PCDHGA5: variants seen among roughly 807,000 people sequenced by gnomAD.
The protein encoded by PCDHGA5 is protocadherin gamma-A5.
In PCDHGA5, 36 loss-of-function variants were observed where a neutral mutation model predicts 56.7. The observed-to-expected ratio is 0.64, with a 90% CI of 0.49 to 0.84. The LOEUF is 0.84. PCDHGA5 is among the 40% of genes least tolerant of loss of function. PCDHGA5 has a pLI of 0.00. For missense variants in PCDHGA5, 1,305 were observed against 1,201.5 expected (o/e 1.09, Z -1.27); for synonymous variants, 563 against 520.2 (o/e 1.08, Z -1.12).
At chr5:141,441,791 C>T in intron 1 of PCDHGA5, 1 of 390,714 alleles carries the variant, frequency 2.6e-6, no homozygotes, top group Non-Finnish European at 5.1e-6. Flanking sequence ...TGAATGACAA[C>T]GCACCGCGGG....
chr5:141,423,317 C>T, intron 1 of PCDHGA5: 4 of 1,614,118 alleles, frequency 2.5e-6, no homozygotes, highest in Non-Finnish European at 3.4e-6. Flanking sequence ...TTGGTGGTGG[C>T]GGTGGCCGCA....
chr5:141,403,201 C>T (rs1486888915), intron 1 of PCDHGA5: 2 of 1,614,002 alleles, frequency 1.2e-6, no homozygotes, highest in South Asian at 1.1e-5. Context: ...GCAGCGGCAC[C>T]TTGGTCACCG....
chr5:141,442,343 G>A (rs1300318674), intron 1 of PCDHGA5: 1 of 152,336 alleles, frequency 6.6e-6, no homozygotes, highest in African/African-American at 2.4e-5. Context: ...CAGGTTTCTG[G>A]GTAACTGTAG....
chr5:141,501,439 C>G (rs1245306644), intron 2 of PCDHGA5, among the ~76,000 whole-genome samples: 1 of 151,978 alleles, frequency 6.6e-6, no homozygotes, highest in Non-Finnish European at 1.5e-5. Context: ...TCCATTTCTT[C>G]CATTTTTACT....
Position 141,485,666 on chromosome 5 carries a change from A to C in PCDHGA5, c.2422-9141A>C. 1.2e-6 allele frequency: 2 copies of C among 1,612,786 alleles called. No homozygotes were observed. Among genetic ancestry groups the C allele is most frequent in the Non-Finnish European group, 1.7e-6 (2 of 1,178,960 alleles). ...GGCTCAGGATGCAGATGTGGGGAGCAATTCGATTAGCAGCTATAGGCTGAG... is the reference window on the plus strand; with the variant it reads ...GGCTCAGGATGCAGATGTGGGGAGCCATTCGATTAGCAGCTATAGGCTGAG... On this transcript the variant is annotated intron_variant, in intron 1 of 3. Transcript: ENST00000518069. This position sits in a 1 kb window ranked among gnomAD's most constrained non-coding sequence, Gnocchi z 5.7.
In PCDHGA5 at chr5:141,421,516, T is replaced by G. The variant is rs199973694; in HGVS notation, c.2421+54765T>G. On this transcript the variant is annotated intron_variant, in intron 1 of 3. Transcript: ENST00000518069. Reference sequence around the variant, plus strand: ...AGGCAGGATAGACCGGGAGGAGCTCTGTGAGACGGTGTCCTCCTGTTTTTT... The same window carrying G: ...AGGCAGGATAGACCGGGAGGAGCTCGGTGAGACGGTGTCCTCCTGTTTTTT... 1.4e-5 allele frequency: 22 copies of G among 1,614,064 alleles called. No homozygotes were observed. The East Asian group carries it at 4.9e-4, about 36-fold the overall frequency.
intron 1 of PCDHGA5, chr5:141,378,642 C>T (rs780445527): frequency 5.9e-5 from 9 of 152,098 alleles, no homozygotes; most frequent in Non-Finnish European, 1.3e-4. Context: ...AATGGGAGAA[C>T]AAATGTTAAT....
At position 141,486,882 on chromosome 5, in the gene PCDHGA5, C is replaced by T; in HGVS notation, c.2422-7925C>T. The T allele has an allele frequency of 6.2e-7, 1 of 1,614,244 alleles. No individual in the cohort carries two copies. The highest frequency in any genetic ancestry group is 1.1e-5 in the South Asian group (1 of 91,086). On this transcript the variant is annotated intron_variant, in intron 1 of 3. Transcript: ENST00000518069. This position sits in a 1 kb window ranked among gnomAD's most constrained non-coding sequence, Gnocchi z 5.0. ...GCTCCAGCTGTGCTCCGTCCTCGGG[C>T]CCGGCCTGGTTCCTTATGTCCCCAA...
At chr5:141,417,795 T>C in intron 1 of PCDHGA5, 1 of 1,483,780 alleles carries the variant, frequency 6.7e-7, no homozygotes, top group Non-Finnish European at 9.0e-7. Context: ...AATGCTCTTT[T>C]AGCGCGGTAG....
intron 1 of PCDHGA5, chr5:141,394,604 C>G: frequency 6.2e-7 from 1 of 1,613,590 alleles, no homozygotes. Context: ...TGGACAGAGA[C>G]TCGGGCCAGA....
chr5:141,491,714 C>T lies in PCDHGA5; in HGVS notation c.2422-3093C>T, dbSNP rs1321811999. 2 of 1,608,744 alleles carry T rather than the reference C, an allele frequency of 1.2e-6. No individual in the cohort carries two copies. Among genetic ancestry groups the T allele is most frequent in the Non-Finnish European group, 1.7e-6 (2 of 1,177,916 alleles). The stretch of plus-strand genomic sequence containing the variant: ...GAGCGGAGCCAGGTGAGGGGCTCGG[C>T]GCCGCCCCGGGCGACCCCTGGGGGC... On this transcript the variant is annotated intron_variant, in intron 1 of 3. Coordinates refer to ENST00000518069, the MANE Select transcript of PCDHGA5 (RefSeq NM_018918.3). The surrounding 1 kb of genome is among the most constrained non-coding windows in gnomAD (Gnocchi z 6.9).
intron 1 of PCDHGA5, among the ~76,000 whole-genome samples, chr5:141,401,846 A>G (rs1168982151): frequency 6.6e-6 from 1 of 152,216 alleles, no homozygotes; most frequent in Non-Finnish European, 1.5e-5. Context: ...AATACCACTT[A>G]CTTTTAACCT....
chr5:141,429,896 A>G (rs1307950556), intron 1 of PCDHGA5, among the ~76,000 whole-genome samples: 1 of 152,346 alleles, frequency 6.6e-6, no homozygotes, highest in South Asian at 2.1e-4. Flanking sequence ...TGAACAATAA[A>G]TATTTTTGAA....
intron 1 of PCDHGA5, chr5:141,394,876 G>T: frequency 1.2e-6 from 2 of 1,613,866 alleles, no homozygotes; most frequent in Middle Eastern, 1.6e-4. Flanking sequence ...AACGATTCGA[G>T]CCTTACACTC....
In PCDHGA5 at chr5:141,432,357, T is replaced by C. The variant is rs778669079; in HGVS notation, c.2422-62450T>C. 6.2e-7 allele frequency: 1 copy of C among 1,614,244 alleles called. No homozygotes were observed. Among genetic ancestry groups the C allele is most frequent in the African/African-American group, 1.3e-5 (1 of 75,072 alleles). The stretch of plus-strand genomic sequence containing the variant: ...TTCCGAGACTTGCAAGTGAAAGTGA[T>C]GGCGCGGGACAACGGGCACCCGCCC... On this transcript the variant is annotated intron_variant, in intron 1 of 3. Coordinates refer to ENST00000518069, the MANE Select transcript of PCDHGA5 (RefSeq NM_018918.3). This position sits in a 1 kb window ranked among gnomAD's most constrained non-coding sequence, Gnocchi z 6.0.
intron 1 of PCDHGA5, chr5:141,409,520 T>A (rs1177702875): frequency 6.2e-7 from 1 of 1,613,848 alleles, no homozygotes; most frequent in East Asian, 2.2e-5. Flanking sequence ...AAGCATCACC[T>A]TGTATGTCGC....
intron 1 of PCDHGA5, chr5:141,413,330 T>G (rs770842309): frequency 6.2e-7 from 1 of 1,613,812 alleles, no homozygotes; most frequent in Non-Finnish European, 8.5e-7. Context: ...GTGGGCAACA[T>G]CTCCAAGGAC....
intron 1 of PCDHGA5, chr5:141,415,782 T>C: frequency 7.4e-7 from 1 of 1,356,228 alleles, no homozygotes. Context: ...TACTTTCTGG[T>C]AAAATTCACC....
At chr5:141,409,388 T>C in intron 1 of PCDHGA5, 1 of 1,614,018 alleles carries the variant, frequency 6.2e-7, no homozygotes, top group Non-Finnish European at 8.5e-7. Flanking sequence ...CAAGATTTAT[T>C]CTTCTTCCAA....
Sources: gnomAD v4.1 joint callset for allele counts (sites outside exome capture counted in the v4.1 genomes callset) on GRCh38, gnomAD v4.1.1 for gene constraint, Gnocchi (gnomAD v3.1) non-coding constraint, MANE v1.5 for transcripts, NCBI Gene and HGNC (gene_info 2026-07-23, HGNC 2026-07-21) for gene names.